Variants in SLC35D4 observed in about 807,000 individuals in gnomAD.
The protein encoded by SLC35D4 is UDP-N-acetylglucosamine transporter SLC35D4.
At chr18:23,292,778 G>A in the SLC35D4 span, among the ~76,000 whole-genome samples, 2 of 152,212 alleles carry the variant, frequency 1.3e-5, no homozygotes, top group Non-Finnish European at 2.9e-5. Context: ...CCATTGGGAA[G>A]AATCAATGAC....
the SLC35D4 span, among the ~76,000 whole-genome samples, chr18:23,393,933 T>G: frequency 6.6e-6 from 1 of 152,210 alleles, no homozygotes; most frequent in African/African-American, 2.4e-5. Flanking sequence ...TGTTTGTATT[T>G]ATCACATTTT....
chr18:23,246,019 G>A, the SLC35D4 span, among the ~76,000 whole-genome samples: 1 of 152,336 alleles, frequency 6.6e-6, no homozygotes, highest in East Asian at 1.9e-4. Context: ...TGTAATCCCA[G>A]CACTTTGAGA....
chr18:23,363,375 T>C, the SLC35D4 span, among the ~76,000 whole-genome samples: 1 of 111,190 alleles, frequency 9.0e-6, no homozygotes, highest in East Asian at 2.7e-4. Flanking sequence ...TTTTTTTTTT[T>C]TTTTTTTTTT....
chr18:23,375,702 C>T, the SLC35D4 span, among the ~76,000 whole-genome samples: 1 of 152,178 alleles, frequency 6.6e-6, no homozygotes, highest in Non-Finnish European at 1.5e-5. Flanking sequence ...GAACTGGGTA[C>T]ACAGGACTTC....
chr18:23,353,468 T>A, the SLC35D4 span, among the ~76,000 whole-genome samples: 5 of 152,268 alleles, frequency 3.3e-5, no homozygotes, highest in South Asian at 1.0e-3. Context: ...TCAGGTTGAA[T>A]TGGAAGCAGA....
At chr18:23,423,170 T>C in the SLC35D4 span, among the ~76,000 whole-genome samples, 2 of 152,336 alleles carry the variant, frequency 1.3e-5, no homozygotes, top group East Asian at 3.9e-4. Context: ...TGCCAGGCCA[T>C]GTCATACTTC....
the SLC35D4 span, among the ~76,000 whole-genome samples, chr18:23,332,463 C>T: frequency 6.6e-6 from 1 of 152,116 alleles, no homozygotes. Flanking sequence ...GCATAAATAT[C>T]ATTCTACAAT....
At chr18:23,341,831 G>A in the SLC35D4 span, among the ~76,000 whole-genome samples, 1 of 152,100 alleles carries the variant, frequency 6.6e-6, no homozygotes, top group Non-Finnish European at 1.5e-5. Context: ...AGAAGAATTA[G>A]CATTAAACCA....
At chr18:23,384,984 G>A in the SLC35D4 span, 506 of 1,612,810 alleles carry the variant, frequency 3.1e-4, 2 homozygotes, top group African/African-American at 4.2e-3. Flanking sequence ...TTGCATGATC[G>A]TTTACCTCTT....
chr18:23,376,307 AC>A, the SLC35D4 span, among the ~76,000 whole-genome samples: 5 of 152,230 alleles, frequency 3.3e-5, no homozygotes, highest in Non-Finnish European at 5.9e-5. Flanking sequence ...CACTGCTGTA[AC>A]CATGTGTAGA....
At chr18:23,408,417 A>AT in the SLC35D4 span, among the ~76,000 whole-genome samples, 60 of 151,492 alleles carry the variant, frequency 4.0e-4, no homozygotes, top group East Asian at 1.2e-3. Flanking sequence ...ATCTTATAAC[A>AT]TTTTTTTTTG....
At chr18:23,345,712 A>C in the SLC35D4 span, among the ~76,000 whole-genome samples, 1 of 151,834 alleles carries the variant, frequency 6.6e-6, no homozygotes, top group East Asian at 1.9e-4. Flanking sequence ...AAATTTGTGA[A>C]TTTCTACCAA....
chr18:23,437,953 C>T, the SLC35D4 span: 2 of 1,330,722 alleles, frequency 1.5e-6, no homozygotes, highest in Non-Finnish European at 2.1e-6. Flanking sequence ...GCAGCAGCCG[C>T]CCAGAGACGG....
chr18:23,387,071 G>A, the SLC35D4 span, among the ~76,000 whole-genome samples: 25 of 152,194 alleles, frequency 1.6e-4, no homozygotes, highest in South Asian at 6.2e-4. Flanking sequence ...AACCACGCCC[G>A]GTTAATTTTT....
chr18:23,430,504 C>T, the SLC35D4 span: 1,460 of 675,786 alleles, frequency 2.2e-3, 11 homozygotes, highest in African/African-American at 0.024. Context: ...GTTAATAAGG[C>T]GGCTAAATAT....
the SLC35D4 span, among the ~76,000 whole-genome samples, chr18:23,244,837 A>C: frequency 5.9e-5 from 9 of 152,246 alleles, no homozygotes; most frequent in African/African-American, 2.2e-4. Flanking sequence ...GGCTGGCAGT[A>C]GGTCAGAGAA....
the SLC35D4 span, among the ~76,000 whole-genome samples, chr18:23,323,463 T>C: frequency 7.5e-4 from 115 of 152,322 alleles, no homozygotes; most frequent in Middle Eastern, 3.4e-3. Flanking sequence ...CTGAAGAGCA[T>C]TGGCTGGAAG....
the SLC35D4 span, among the ~76,000 whole-genome samples, chr18:23,433,314 G>A: frequency 4.8e-4 from 73 of 152,234 alleles, no homozygotes; most frequent in African/African-American, 1.7e-3. Context: ...GAGCCACTGT[G>A]CCTGGCCTTG....
chr18:23,263,496 A>G, the SLC35D4 span, among the ~76,000 whole-genome samples: 1 of 152,266 alleles, frequency 6.6e-6, no homozygotes, highest in African/African-American at 2.4e-5. Context: ...TTCCATAACA[A>G]GTAAGCTAAG....
Sources: gnomAD v4.1 joint callset for allele counts (sites outside exome capture counted in the v4.1 genomes callset) on GRCh38, gnomAD v4.1.1 for gene constraint, MANE v1.5 for transcripts, NCBI Gene and HGNC (gene_info 2026-07-23, HGNC 2026-07-21) for gene names.